Variants in MYLK observed in about 807,000 individuals in gnomAD.
MYLK encodes the protein myosin light chain kinase, also known as myosin light chain kinase, smooth muscle.
Under a neutral mutation model 203.4 loss-of-function variants are expected in MYLK, and 106 were observed. That is an observed-to-expected ratio of 0.52 (90% confidence interval 0.45 to 0.61). The LOEUF (loss-of-function observed/expected upper bound fraction) is 0.61. Among genes scored for constraint, MYLK ranks in the 20% least tolerant of loss-of-function variants. The pLI is 0.00. For missense variants in MYLK, 2,072 were observed against 2,442.3 expected (o/e 0.85, Z 3.20); for synonymous variants, 867 against 959.5 (o/e 0.90, Z 1.78).
chr3:123,620,722 G>A (rs561106046), intron 31 of MYLK: 56 of 807,280 alleles, frequency 6.9e-5, no homozygotes, highest in Middle Eastern at 6.0e-4. Flanking sequence ...GCTATTTCTC[G>A]TAAAACAATG....
At chr3:123,672,014 A>G (rs929626568) in intron 20 of MYLK, among the ~76,000 whole-genome samples, 8 of 152,032 alleles carry the variant, frequency 5.3e-5, no homozygotes, top group Non-Finnish European at 1.0e-4. Flanking sequence ...GGCTGTTGTC[A>G]TGGGCTGAAC....
chr3:123,748,390 C>T (rs1451469980), intron 5 of MYLK, among the ~76,000 whole-genome samples: 1 of 152,224 alleles, frequency 6.6e-6, no homozygotes, highest in Admixed American at 6.5e-5. Context: ...AACATCCAAA[C>T]CATATCAACA....
At chr3:123,689,650 A>C (rs561801298) in intron 19 of MYLK, 4 of 152,344 alleles carry the variant, frequency 2.6e-5, no homozygotes, top group African/African-American at 9.6e-5. Context: ...GCATAGACTG[A>C]AAATGCAAAG....
At chr3:123,870,974 G>A (rs1400664775) in intron 2 of MYLK, among the ~76,000 whole-genome samples, 2 of 152,140 alleles carry the variant, frequency 1.3e-5, no homozygotes, top group African/African-American at 4.8e-5. Context: ...GGAGGCAGAT[G>A]AGCATTAGGG....
chr3:123,632,558 A>G (rs1393116971), intron 29 of MYLK, among the ~76,000 whole-genome samples: 1 of 152,080 alleles, frequency 6.6e-6, no homozygotes, highest in Non-Finnish European at 1.5e-5. Flanking sequence ...CTGGCAGCCT[A>G]TCCATCTGAA....
chr3:123,751,715 CACTGCA>C (rs1389579707), intron 5 of MYLK, among the ~76,000 whole-genome samples: 1 of 152,154 alleles, frequency 6.6e-6, no homozygotes, highest in African/African-American at 2.4e-5. Context: ...ATGGAGAAGA[CACTGCA>C]ATGTGAGATG....
At chr3:123,622,044 G>C (rs1048289313) in intron 31 of MYLK, 2 of 152,276 alleles carry the variant, frequency 1.3e-5, no homozygotes, top group African/African-American at 4.8e-5. Flanking sequence ...TGTAGAGAGA[G>C]AGAGACCCAG....
chr3:123,812,670 A>G (rs2065600175), intron 3 of MYLK, among the ~76,000 whole-genome samples: 1 of 152,180 alleles, frequency 6.6e-6, no homozygotes, highest in African/African-American at 2.4e-5. Context: ...TGAAAGACCT[A>G]GATGTCTCTT....
chr3:123,672,169 A>C (rs1484316239), intron 20 of MYLK, among the ~76,000 whole-genome samples: 1 of 151,144 alleles, frequency 6.6e-6, no homozygotes, highest in Non-Finnish European at 1.5e-5. Context: ...TGTCCTTATA[A>C]GAAGAGATTA....
intron 2 of MYLK, among the ~76,000 whole-genome samples, chr3:123,867,285 C>A (rs1357279515): frequency 6.6e-6 from 1 of 151,986 alleles, no homozygotes; most frequent in Non-Finnish European, 1.5e-5. Context: ...TGTGTCCCCC[C>A]AAAAATCTTA....
rs371815167 is a variant in MYLK at position 123,718,215 on chromosome 3, C to T, written c.1804+3913G>A. On this transcript the variant is annotated intron_variant, in intron 13 of 33. Transcript: ENST00000360304. ...CAGATTTCCTGCACACCCTAATGGG[C>T]ACTGAGCCCCCAGAAAAGCGAGGAA... Among the ~76,000 whole-genome samples, 31 of 152,260 alleles carry T rather than the reference C, an allele frequency of 2.0e-4. No homozygotes were observed. The East Asian group carries it at 4.6e-3, about 23-fold the overall frequency.
At chr3:123,754,801 A>C (rs965899800) in intron 4 of MYLK, among the ~76,000 whole-genome samples, 1 of 152,208 alleles carries the variant, frequency 6.6e-6, no homozygotes, top group Non-Finnish European at 1.5e-5. Flanking sequence ...CTTTTATATT[A>C]GTGTGCTGTA....
chr3:123,656,965 G>T (rs1471742052), intron 24 of MYLK, among the ~76,000 whole-genome samples, 161 bp downstream of exon 24: 3 of 152,026 alleles, frequency 2.0e-5, no homozygotes, highest in Non-Finnish European at 4.4e-5. Flanking sequence ...TTGAAGAATG[G>T]CTCAACATCA....
intron 4 of MYLK, 97 bp downstream of exon 4, chr3:123,793,580 T>C (rs886962969): frequency 7.2e-7 from 1 of 1,395,590 alleles, no homozygotes; most frequent in Non-Finnish European, 9.9e-7. Flanking sequence ...AATTGAGCCT[T>C]CTATTAGATC....
intron 4 of MYLK, among the ~76,000 whole-genome samples, chr3:123,784,388 T>C (rs988649940): frequency 1.3e-5 from 2 of 148,378 alleles, no homozygotes; most frequent in Non-Finnish European, 3.0e-5. Flanking sequence ...TTTTTTTTTT[T>C]TTTTTTTTTT....
intron 24 of MYLK, among the ~76,000 whole-genome samples, chr3:123,654,428 G>A (rs2059327515): frequency 6.6e-6 from 1 of 152,140 alleles, no homozygotes; most frequent in African/African-American, 2.4e-5. Context: ...GGTGATGCCA[G>A]GCCTGCTCGC....
At chr3:123,715,244 C>G (rs1402073981) in intron 13 of MYLK, among the ~76,000 whole-genome samples, 1 of 152,162 alleles carries the variant, frequency 6.6e-6, no homozygotes, top group African/African-American at 2.4e-5. Context: ...AACAAATGAC[C>G]TATCAGGATC....
intron 19 of MYLK, among the ~76,000 whole-genome samples, chr3:123,686,553 C>T (rs1398441139): frequency 6.6e-6 from 1 of 152,146 alleles, no homozygotes; most frequent in Non-Finnish European, 1.5e-5. Flanking sequence ...GCTGGCCTCT[C>T]TCTCTGACTG....
chr3:123,819,390 T>C (rs550216496), intron 3 of MYLK, among the ~76,000 whole-genome samples: 3 of 152,212 alleles, frequency 2.0e-5, no homozygotes, highest in African/African-American at 4.8e-5. Flanking sequence ...CCTGTGGGGG[T>C]TGGAGCTCAA....
Sources: allele counts gnomAD v4.1 joint callset (sites outside exome capture counted in the v4.1 genomes callset), GRCh38; gene constraint gnomAD v4.1.1; transcripts MANE v1.5; gene names NCBI Gene and HGNC (gene_info 2026-07-23, HGNC 2026-07-21).